CPXM2: variants seen among roughly 807,000 people sequenced by gnomAD.
CPXM2 encodes inactive carboxypeptidase-like protein X2.
In CPXM2, 66 loss-of-function variants were observed where a neutral mutation model predicts 86.1. The ratio of observed to expected loss-of-function variants is 0.77; its 90% CI spans 0.63 to 0.94. The LOEUF (loss-of-function observed/expected upper bound fraction) is 0.94, where lower values mean the gene tolerates loss of function less well. CPXM2 is among the 40% of genes least tolerant of loss of function. The pLI is 0.00. For missense variants in CPXM2, 948 were observed against 1,026.3 expected (o/e 0.92, Z 1.04); for synonymous variants, 388 against 400.2 (o/e 0.97, Z 0.36).
chr10:123,943,797 G>A (rs769230160), upstream of CPXM2, among the ~76,000 whole-genome samples: 10 of 152,300 alleles, frequency 6.6e-5, no homozygotes, highest in South Asian at 2.1e-4. Flanking sequence ...AACACAGTCC[G>A]TCTTGGGCCT....
chr10:123,880,145 T>TGGCCCCCCC, intron 2 of CPXM2, 66 bp downstream of exon 2: 1 of 407,580 alleles, frequency 2.5e-6, no homozygotes, highest in Non-Finnish European at 4.8e-6. Flanking sequence ...CAGGGGCCTG[T>TGGCCCCCCC]ACCCACCCAC....
At chr10:123,920,918 C>T (rs190364079) in intron 2 of CPXM2, among the ~76,000 whole-genome samples, 138 of 152,290 alleles carry the variant, frequency 9.1e-4, no homozygotes, top group Non-Finnish European at 1.2e-3. Context: ...AGTAAGAAGG[C>T]CTTCACAAGA....
upstream of CPXM2, among the ~76,000 whole-genome samples, chr10:123,943,763 G>C (rs7070932): frequency 0.21 from 31,317 of 152,112 alleles, 4,742 homozygotes; most frequent in African/African-American, 0.43. Flanking sequence ...GCTGTCTGGC[G>C]CAATGAAGCC....
At position 123,863,928 on chromosome 10, in the gene CPXM2, T is replaced by TC. The variant is rs1564803896; in HGVS notation, c.404-1206dup. Among the ~76,000 whole-genome samples, 4 of 152,138 alleles carry TC rather than the reference T, an allele frequency of 2.6e-5. No homozygotes were observed. The South Asian group carries it at 8.3e-4, about 31-fold the overall frequency. On this transcript the variant is annotated intron_variant, in intron 2 of 13. Coordinates refer to ENST00000241305, the MANE Select transcript of CPXM2 (RefSeq NM_198148.3). ...TCACAGTCCCCAGCGGTCACTGGTA[T>TC]CCACCAGAGGGCCTTGTCAGAATCC...
At chr10:123,751,640 C>G (rs1846079376) in intron 13 of CPXM2, 1 of 985,312 alleles carries the variant, frequency 1.0e-6, no homozygotes, top group Admixed American at 6.1e-5. Context: ...TCAAAGCATT[C>G]CTACCAGCTT....
chr10:123,874,345 C>T (rs1183451941), intron 2 of CPXM2, among the ~76,000 whole-genome samples: 1 of 151,936 alleles, frequency 6.6e-6, no homozygotes, highest in African/African-American at 2.4e-5. Flanking sequence ...ATGAGAATTC[C>T]ACCCTCGTGA....
At chr10:123,794,559 C>T (rs1008485136) in intron 6 of CPXM2, among the ~76,000 whole-genome samples, 6 of 152,176 alleles carry the variant, frequency 3.9e-5, no homozygotes, top group African/African-American at 1.4e-4. Context: ...TGGCACAGTT[C>T]TTAACTCGCT....
intron 6 of CPXM2, among the ~76,000 whole-genome samples, chr10:123,791,720 A>C (rs1428171853): frequency 6.6e-6 from 1 of 152,216 alleles, no homozygotes; most frequent in Non-Finnish European, 1.5e-5. Flanking sequence ...GATCACATCC[A>C]AGGTTGTAGG....
chr10:123,931,296 T>C (rs1365594502), intron 2 of CPXM2, among the ~76,000 whole-genome samples: 2 of 152,306 alleles, frequency 1.3e-5, no homozygotes, highest in East Asian at 3.9e-4. Flanking sequence ...TGATTGACAG[T>C]ATTTCATGAG....
In CPXM2 at chr10:123,865,828, ACACCTCCATCTCTGCTTCTTCTC is replaced by A. The variant is rs1848964718; in HGVS notation, c.404-3128_404-3106del. Among the ~76,000 whole-genome samples the A allele has an allele frequency of 6.6e-6, 1 of 152,080 alleles. No homozygotes were observed. The highest frequency in any genetic ancestry group is 1.5e-5 in the Non-Finnish European group (1 of 68,000). On this transcript the variant is annotated intron_variant, in intron 2 of 13. Coordinates refer to ENST00000241305, the MANE Select transcript of CPXM2 (RefSeq NM_198148.3). This position sits in a 1 kb window ranked among gnomAD's most constrained non-coding sequence, Gnocchi z 4.7. ...CTCCTGGCCAACCCCAGGAGGGGCA[ACACCTCCATCTCTGCTTCTTCTC>A]TCCCTTCCTTTCCTGGGATTTTTGC...
chr10:123,912,996 T>C (rs1425638825), intron 2 of CPXM2, among the ~76,000 whole-genome samples: 1 of 152,124 alleles, frequency 6.6e-6, no homozygotes, highest in African/African-American at 2.4e-5. Context: ...AAAGAGTGCT[T>C]AGCGATGGAA....
chr10:123,817,205 G>A (rs1847830815), intron 4 of CPXM2, among the ~76,000 whole-genome samples: 1 of 152,128 alleles, frequency 6.6e-6, no homozygotes, highest in African/African-American at 2.4e-5. Flanking sequence ...TTTTTTAGTG[G>A]GATCCAGAAC....
upstream of CPXM2, among the ~76,000 whole-genome samples, chr10:123,943,479 G>A (rs536104863): frequency 9.2e-5 from 14 of 152,328 alleles, no homozygotes; most frequent in East Asian, 1.9e-3. Flanking sequence ...TTTGCCAGCC[G>A]TGCAGGGTTT....
chr10:123,825,655 C>T (rs575612052), intron 4 of CPXM2, among the ~76,000 whole-genome samples: 1 of 152,318 alleles, frequency 6.6e-6, no homozygotes, highest in Middle Eastern at 3.4e-3. Flanking sequence ...AAGCATCACA[C>T]AGCAGTCTCA....
intron 13 of CPXM2, chr10:123,752,495 T>C (rs1846100761): frequency 3.0e-6 from 3 of 985,318 alleles, no homozygotes; most frequent in Non-Finnish European, 3.6e-6. Context: ...TGGTCTTTTA[T>C]GCCAGGCCCA....
chr10:123,849,957 T>A (rs1848568215), intron 3 of CPXM2, among the ~76,000 whole-genome samples: 1 of 152,148 alleles, frequency 6.6e-6, no homozygotes, highest in Non-Finnish European at 1.5e-5. Flanking sequence ...CCCGCAGACA[T>A]AACCACCACT....
intron 7 of CPXM2, among the ~76,000 whole-genome samples, chr10:123,772,061 T>C (rs1483750135): frequency 1.3e-5 from 2 of 152,192 alleles, no homozygotes; most frequent in Non-Finnish European, 2.9e-5. Context: ...GGCTATCACA[T>C]ACTTGGTTGT....
At chr10:123,774,358 C>A (rs145817104) in intron 7 of CPXM2, among the ~76,000 whole-genome samples, 1 of 152,318 alleles carries the variant, frequency 6.6e-6, no homozygotes, top group East Asian at 1.9e-4. Context: ...ACCGAATTAT[C>A]CATAAAATGT....
At chr10:123,831,901 G>A (rs1449392911) in intron 4 of CPXM2, among the ~76,000 whole-genome samples, 1 of 147,074 alleles carries the variant, frequency 6.8e-6, no homozygotes, top group East Asian at 2.1e-4. Context: ...ATATTCACAG[G>A]TTCCAAGCAT....
Sources: gnomAD v4.1 joint callset for allele counts (sites outside exome capture counted in the v4.1 genomes callset) on GRCh38, gnomAD v4.1.1 for gene constraint, Gnocchi (gnomAD v3.1) non-coding constraint, MANE v1.5 for transcripts, NCBI Gene and HGNC (gene_info 2026-07-23, HGNC 2026-07-21) for gene names.